The following SUMF1 variants were observed in gnomAD, a reference collection of about 807,000 sequenced individuals.
SUMF1 encodes the protein formylglycine-generating enzyme.
In SUMF1, 48 loss-of-function variants were observed where a neutral mutation model predicts 47.6. The ratio of observed to expected loss-of-function variants is 1.01; its 90% CI spans 0.80 to 1.28. The LOEUF (loss-of-function observed/expected upper bound fraction) is 1.28, where lower values mean the gene tolerates loss of function less well. SUMF1 is among the 50% of genes most tolerant of loss of function. The pLI, the probability that SUMF1 is intolerant of heterozygous loss-of-function variation, is 0.00. For synonymous variants in SUMF1, 230 were observed against 192.1 expected (o/e 1.20, Z -1.63); for missense variants, 571 against 485.4 (o/e 1.18, Z -1.66).
At chr3:4,060,503 G>T (rs1048189528) in intron 9 of SUMF1, among the ~76,000 whole-genome samples, 5 of 152,076 alleles carry the variant, frequency 3.3e-5, no homozygotes, top group African/African-American at 9.7e-5. Context: ...CTTTTGAAAG[G>T]CATGAGATTA....
intron 8 of SUMF1, among the ~76,000 whole-genome samples, chr3:4,082,190 G>C (rs1464868999): frequency 1.3e-5 from 2 of 152,086 alleles, no homozygotes; most frequent in African/African-American, 4.8e-5. Context: ...AAGTTAGCCT[G>C]GGCATGGTGA....
chr3:4,194,258 G>T (rs1435380884), intron 8 of SUMF1, among the ~76,000 whole-genome samples: 2 of 152,098 alleles, frequency 1.3e-5, no homozygotes, highest in Non-Finnish European at 2.9e-5. Context: ...AATAGAGAAT[G>T]CAAGTGTATA....
intron 7 of SUMF1, among the ~76,000 whole-genome samples, chr3:4,396,977 T>C (rs1052714837): frequency 6.6e-6 from 1 of 152,162 alleles, no homozygotes; most frequent in African/African-American, 2.4e-5. Context: ...AAAACACATA[T>C]CACATTAGAT....
chr3:4,307,345 C>T (rs1698230806), intron 8 of SUMF1, among the ~76,000 whole-genome samples: 1 of 152,146 alleles, frequency 6.6e-6, no homozygotes, highest in Non-Finnish European at 1.5e-5. Context: ...AGGAACCCCA[C>T]CCCCATCACC....
intron 8 of SUMF1, among the ~76,000 whole-genome samples, chr3:4,324,493 G>A (rs1317240539): frequency 6.6e-6 from 1 of 152,088 alleles, no homozygotes; most frequent in Non-Finnish European, 1.5e-5. Context: ...GCAGGAGAGG[G>A]GACAAAAAGA....
intron 8 of SUMF1, among the ~76,000 whole-genome samples, chr3:4,275,319 T>C (rs1697389448): frequency 6.6e-6 from 1 of 152,164 alleles, no homozygotes. Flanking sequence ...AGAGTTGGCA[T>C]GATTGGGGCA....
At chr3:4,173,982 CA>C (rs980781245) in intron 8 of SUMF1, among the ~76,000 whole-genome samples, 17 of 152,204 alleles carry the variant, frequency 1.1e-4, no homozygotes, top group African/African-American at 4.1e-4. Context: ...ACCTATGTAA[CA>C]AACCTGCACA....
chr3:4,239,621 G>T (rs998820151), intron 8 of SUMF1, among the ~76,000 whole-genome samples: 1 of 152,130 alleles, frequency 6.6e-6, no homozygotes, highest in African/African-American at 2.4e-5. Context: ...CATTGATTTT[G>T]TATCCTGAGA....
At chr3:4,296,120 A>T (rs1575060756) in intron 8 of SUMF1, among the ~76,000 whole-genome samples, 1 of 149,798 alleles carries the variant, frequency 6.7e-6, no homozygotes. Flanking sequence ...TTGCTTTTTT[A>T]AAAAAAAAAC....
chr3:4,068,637 T>C, exon 9 of SUMF1: 1 of 447,288 alleles, frequency 2.2e-6, no homozygotes, highest in Non-Finnish European at 4.5e-6. Context: ...TGCCTACGTA[T>C]TGAGCAGCAT....
At chr3:4,165,971 A>C (rs1418080086) in intron 8 of SUMF1, among the ~76,000 whole-genome samples, 1 of 151,128 alleles carries the variant, frequency 6.6e-6, no homozygotes, top group African/African-American at 2.4e-5. Context: ...AGAACCCATA[A>C]CAGTCCCTGG....
chr3:4,137,115 A>T (rs570114391), intron 8 of SUMF1, among the ~76,000 whole-genome samples: 4,115 of 151,852 alleles, frequency 0.027, 85 homozygotes, highest in African/African-American at 0.048. Context: ...AGCCATCCCA[A>T]TACTGGGTAT....
intron 8 of SUMF1, among the ~76,000 whole-genome samples, chr3:4,175,905 T>A (rs1312630413): frequency 1.3e-5 from 2 of 152,196 alleles, no homozygotes; most frequent in African/African-American, 4.8e-5. Flanking sequence ...CAAGCTTCAA[T>A]AGCCGATTTG....
intron 8 of SUMF1, among the ~76,000 whole-genome samples, chr3:4,126,370 A>C (rs1440952745): frequency 6.6e-6 from 1 of 152,144 alleles, no homozygotes; most frequent in Non-Finnish European, 1.5e-5. Context: ...TTCTTCTGTT[A>C]GTGATACATC....
At chr3:4,261,815 T>C (rs1315609069) in intron 8 of SUMF1, among the ~76,000 whole-genome samples, 2 of 152,172 alleles carry the variant, frequency 1.3e-5, no homozygotes, top group Non-Finnish European at 2.9e-5. Context: ...CCACAACTAG[T>C]GCCTGCGCTG....
In SUMF1 at chr3:4,275,145, G is replaced by C. The variant is rs1318633721; in HGVS notation, c.1014+101185C>G. 2.0e-5 allele frequency among the ~76,000 whole-genome samples: 3 copies of C among 152,104 alleles called. No individual in the cohort carries two copies. The East Asian group carries it at 5.8e-4, about 29-fold the overall frequency. Reference sequence around the variant, plus strand: ...ATTCTTTTCTTTATAGTCTGCCCTTGGTTGCGCTATGAGAAATTAGAAAAA... The same window carrying C: ...ATTCTTTTCTTTATAGTCTGCCCTTCGTTGCGCTATGAGAAATTAGAAAAA... On this transcript the variant is annotated intron_variant and NMD_transcript_variant, in intron 8 of 12. Coordinates refer to the SUMF1 transcript ENST00000448413.
chr3:4,064,172 G>A (rs1695330257), intron 9 of SUMF1, among the ~76,000 whole-genome samples: 1 of 147,186 alleles, frequency 6.8e-6, no homozygotes, highest in Non-Finnish European at 1.5e-5. Flanking sequence ...TAGGAGACCG[G>A]CACAAGATAT....
chr3:4,085,647 C>A (rs1234929104), intron 8 of SUMF1, among the ~76,000 whole-genome samples: 1 of 152,000 alleles, frequency 6.6e-6, no homozygotes, highest in African/African-American at 2.4e-5. Context: ...ATTTCCATAT[C>A]CCTTCTCCTT....
At chr3:4,146,034 C>A (rs1185669039) in intron 8 of SUMF1, among the ~76,000 whole-genome samples, 3 of 152,008 alleles carry the variant, frequency 2.0e-5, no homozygotes, top group Admixed American at 1.3e-4. Flanking sequence ...ACTGTGAAGC[C>A]CCATTTATTC....
Sources: allele counts gnomAD v4.1 joint callset (sites outside exome capture counted in the v4.1 genomes callset), GRCh38; gene constraint gnomAD v4.1.1; transcripts MANE v1.5; gene names NCBI Gene and HGNC (gene_info 2026-07-23, HGNC 2026-07-21).